The following AZI2 variants were observed in gnomAD, a reference collection of about 807,000 sequenced individuals.
The protein encoded by AZI2 is 5-azacytidine induced 2.
AZI2 carries 22 observed loss-of-function variants against 45.8 expected under a neutral mutation model. The ratio of observed to expected loss-of-function variants is 0.48; its 90% CI spans 0.34 to 0.69. AZI2 has a LOEUF of 0.69. Among genes scored for constraint, AZI2 ranks in the 30% least tolerant of loss-of-function variants. The pLI is 0.01. For missense variants in AZI2, 417 were observed against 441.5 expected, an observed-to-expected ratio of 0.94 and a Z score of 0.50; for synonymous variants, 137 against 156.7, an observed-to-expected ratio of 0.87 and a Z score of 0.94.
At chr3:28,336,602 T>C (rs544375524) in intron 5 of AZI2, 135 bp downstream of exon 5, 2 of 994,546 alleles carry the variant, frequency 2.0e-6, no homozygotes, top group African/African-American at 1.7e-5. Flanking sequence ...TAAACAAGAA[T>C]TTTTTAAGGA....
At chr3:28,340,930 A>G (rs1703993287) in intron 1 of AZI2, among the ~76,000 whole-genome samples, 1 of 152,050 alleles carries the variant, frequency 6.6e-6, no homozygotes, top group African/African-American at 2.4e-5. Context: ...AAAATCTGAA[A>G]TATCAGTTTC....
intron 5 of AZI2, among the ~76,000 whole-genome samples, chr3:28,334,051 C>G (rs1423637139): frequency 6.6e-6 from 1 of 151,408 alleles, no homozygotes; most frequent in Non-Finnish European, 1.5e-5. Context: ...TTAGGGGACA[C>G]AGAAAGTCTA....
At chr3:28,326,554 C>A in intron 7 of AZI2, 3 of 223,966 alleles carry the variant, frequency 1.3e-5, no homozygotes, top group Non-Finnish European at 2.6e-5. Context: ...GCAAACTTAA[C>A]ACCTCAGTCT....
intron 1 of AZI2, among the ~76,000 whole-genome samples, chr3:28,346,315 T>C (rs985202652): frequency 1.3e-5 from 2 of 152,104 alleles, no homozygotes; most frequent in African/African-American, 2.4e-5. Flanking sequence ...TTAGACTACA[T>C]CACTAAGATG....
In AZI2 at chr3:28,324,375, G is replaced by A. The variant is rs776260141; in HGVS notation, c.846C>T (p.Tyr282=). Residue 282 remains tyrosine (Y), a synonymous_variant, in exon 8 of 8, where the codon TAC becomes TAT. Coordinates refer to ENST00000479665, the MANE Select transcript of AZI2 (RefSeq NM_022461.5). ...TTGGTAAGAGAGGGGGATGTCTTGT[G>A]TATGTTGCAGTAAAATTCATCAAGT... ...KLHLMNFTAT[Y]TRHPPLLPNG... 3 of 1,571,552 alleles carry A rather than the reference G, an allele frequency of 1.9e-6. No individual in the cohort carries two copies. The East Asian group carries it at 6.7e-5, about 35-fold the overall frequency.
At chr3:28,340,768 G>A in intron 1 of AZI2, 146 bp from the exon 2 acceptor site, 1 of 631,224 alleles carries the variant, frequency 1.6e-6, no homozygotes, top group South Asian at 2.8e-5. Flanking sequence ...CTACCATTTA[G>A]TGTCTGACTT....
intron 1 of AZI2, among the ~76,000 whole-genome samples, chr3:28,343,818 T>TC (rs974693754): frequency 3.9e-5 from 6 of 152,012 alleles, no homozygotes; most frequent in Admixed American, 3.3e-4. Flanking sequence ...TAGGAACCCC[T>TC]CAGAAGGCTT....
At chr3:28,337,408 C>CT (rs1214671475) in intron 4 of AZI2, among the ~76,000 whole-genome samples, 4 of 152,120 alleles carry the variant, frequency 2.6e-5, no homozygotes, top group African/African-American at 9.7e-5. Flanking sequence ...TCTCAATCTC[C>CT]TATCAGAAGG....
intron 1 of AZI2, among the ~76,000 whole-genome samples, chr3:28,342,400 C>G (rs556859021): frequency 3.3e-5 from 5 of 151,996 alleles, no homozygotes; most frequent in African/African-American, 4.8e-5. Flanking sequence ...AGTCCAAGAA[C>G]AAGAATAGAC....
At chr3:28,329,512 C>G (rs1234713213) in intron 6 of AZI2, among the ~76,000 whole-genome samples, 1 of 151,104 alleles carries the variant, frequency 6.6e-6, no homozygotes, top group East Asian at 1.9e-4. Context: ...GAGTACATGT[C>G]CTGCTTACAA....
At chr3:28,331,388 T>G (rs1240488972) in intron 6 of AZI2, among the ~76,000 whole-genome samples, 1 of 151,512 alleles carries the variant, frequency 6.6e-6, no homozygotes, top group African/African-American at 2.4e-5. Flanking sequence ...AAAGTTTCCT[T>G]GCAGTAAACT....
chr3:28,341,782 C>G (rs1704027199), intron 1 of AZI2: 1 of 152,060 alleles, frequency 6.6e-6, no homozygotes, highest in Non-Finnish European at 1.5e-5. Flanking sequence ...TTTCATGTAT[C>G]TTAGATCAGT....
At position 28,338,546 on chromosome 3, in the gene AZI2, A is replaced by G. The variant is rs1298091746; in HGVS notation, c.286T>C (p.Tyr96His). The change falls in exon 3 of 8, where the codon TAT (tyrosine) becomes CAT (histidine). Residue 96 changes from tyrosine (Y) to histidine (H), a missense_variant. By Grantham distance (83) the Tyr-to-His change is moderately conservative (BLOSUM62 2). Transcript: ENST00000479665. Reference sequence around the variant, plus strand: ...TCTCTATCAATGCAAACCTCTCGATATGCATGATAGGCCTTATTTACTTGT... The same window carrying G: ...TCTCTATCAATGCAAACCTCTCGATGTGCATGATAGGCCTTATTTACTTGT... ...REQVNKAYHA[Y>H]REVCIDRDNL... 1.2e-6 allele frequency: 2 copies of G among 1,606,566 alleles called. No homozygotes were observed. The highest frequency in any genetic ancestry group is 1.3e-5 in the African/African-American group (1 of 74,816).
At chr3:28,348,175 T>A (rs968261374) in intron 1 of AZI2, 2 of 152,070 alleles carry the variant, frequency 1.3e-5, no homozygotes, top group Non-Finnish European at 2.9e-5. Flanking sequence ...TAGCCCTCGA[T>A]CAAGTGCAGG....
intron 1 of AZI2, among the ~76,000 whole-genome samples, chr3:28,343,885 C>T (rs1704124685): frequency 1.3e-5 from 2 of 151,950 alleles, no homozygotes; most frequent in Admixed American, 1.3e-4. Context: ...ACATTTTATA[C>T]AACATGATAG....
In AZI2 at chr3:28,348,616, C is replaced by G. The variant is rs1410788125; in HGVS notation, c.-21G>C. 2 of 152,754 alleles carry G rather than the reference C, an allele frequency of 1.3e-5. No homozygotes were observed. The highest frequency in any genetic ancestry group is 4.8e-5 in the African/African-American group (2 of 41,460). The allele number at this position is 152,754 out of a possible 1,614,324, so 9.5% of individuals were successfully genotyped here. On this transcript the variant is annotated 5_prime_UTR_variant, in exon 1 of 8. Coordinates refer to ENST00000479665, the MANE Select transcript of AZI2 (RefSeq NM_022461.5). ...AGTCACTCACCCAGAAGCCAGGCTACGTAGGGCCGCCCCCAAGGCCGCCGA... is the reference window on the plus strand; with the variant it reads ...AGTCACTCACCCAGAAGCCAGGCTAGGTAGGGCCGCCCCCAAGGCCGCCGA...
intron 6 of AZI2, among the ~76,000 whole-genome samples, chr3:28,329,945 A>G (rs1358822998): frequency 2.0e-5 from 3 of 151,418 alleles, no homozygotes; most frequent in East Asian, 3.9e-4. Context: ...AATGCTTATT[A>G]TAACTAATAA....
In AZI2 at chr3:28,323,299, A is replaced by G. The variant is rs1030686133; in HGVS notation, c.*743T>C. The G allele has an allele frequency of 1.3e-5, 2 of 151,120 alleles. No individual in the cohort carries two copies. Among genetic ancestry groups the G allele is most frequent in the African/African-American group, 4.9e-5 (2 of 41,224 alleles). 9.4% of individuals were successfully genotyped at this position (151,120 alleles called of 1,614,324 possible). ...TGATGCTCCTTCTACTACTTATTGA[A>G]TAGTGTGTAGGGTTACAATCATTTG... On this transcript the variant is annotated 3_prime_UTR_variant, in exon 8 of 8. Coordinates refer to ENST00000479665, the MANE Select transcript of AZI2 (RefSeq NM_022461.5).
intron 5 of AZI2, among the ~76,000 whole-genome samples, chr3:28,333,912 G>A (rs1381152399): frequency 2.6e-5 from 4 of 151,206 alleles, no homozygotes; most frequent in African/African-American, 7.3e-5. Flanking sequence ...CTGGGCTACC[G>A]TTATTAGGGA....
Sources: gnomAD v4.1 joint callset for allele counts (sites outside exome capture counted in the v4.1 genomes callset) on GRCh38, gnomAD v4.1.1 for gene constraint, MANE v1.5 for transcripts, NCBI Gene and HGNC (gene_info 2026-07-23, HGNC 2026-07-21) for gene names.